CNTNAP5: variants seen among roughly 807,000 people sequenced by gnomAD.
CNTNAP5 encodes the protein contactin associated protein family member 5, also known as contactin-associated protein-like 5.
A neutral mutation model predicts 150.2 loss-of-function variants in CNTNAP5; 72 were observed. That is an observed-to-expected ratio of 0.48 (90% CI 0.40 to 0.58). CNTNAP5 has a LOEUF of 0.58. CNTNAP5 is among the 20% of genes least tolerant of loss of function. CNTNAP5 has a pLI of 0.00. For missense variants in CNTNAP5, 1,636 were observed against 1,626.2 expected (o/e 1.01, Z -0.10); for synonymous variants, 672 against 619.8 (o/e 1.08, Z -1.25).
intron 19 of CNTNAP5, among the ~76,000 whole-genome samples, chr2:124,814,250 T>A (rs1205498633): frequency 2.6e-5 from 4 of 152,208 alleles, no homozygotes; most frequent in East Asian, 3.9e-4. Context: ...CCTCTTTTTT[T>A]TTTTTTCCTG....
chr2:124,607,954 C>T (rs899119591), intron 11 of CNTNAP5, among the ~76,000 whole-genome samples: 7 of 152,160 alleles, frequency 4.6e-5, no homozygotes, highest in East Asian at 1.9e-4. Context: ...CCTCCTGCTG[C>T]GGAAAGTTTG....
chr2:124,395,998 C>T (rs534595538), intron 3 of CNTNAP5, among the ~76,000 whole-genome samples: 94 of 152,268 alleles, frequency 6.2e-4, no homozygotes, highest in African/African-American at 1.9e-3. Context: ...GGAATAGCAC[C>T]AAGACCCTAA....
chr2:124,803,039 C>G (rs570023287), intron 19 of CNTNAP5, among the ~76,000 whole-genome samples: 9 of 150,102 alleles, frequency 6.0e-5, no homozygotes, highest in South Asian at 4.2e-4. Context: ...GATGTGAACC[C>G]GGGAGGTGGA....
At chr2:124,335,449 G>C (rs981090794) in intron 3 of CNTNAP5, among the ~76,000 whole-genome samples, 1 of 151,574 alleles carries the variant, frequency 6.6e-6, no homozygotes, top group Non-Finnish European at 1.5e-5. Flanking sequence ...CACAAAGCCA[G>C]GCTGTCAGGA....
At chr2:124,278,921 T>G (rs1268209711) in intron 3 of CNTNAP5, among the ~76,000 whole-genome samples, 1 of 152,174 alleles carries the variant, frequency 6.6e-6, no homozygotes, top group Non-Finnish European at 1.5e-5. Flanking sequence ...TGTTTATACA[T>G]CAGTTTAGGA....
At chr2:124,653,911 ACCC>A (rs70996088) in intron 13 of CNTNAP5, among the ~76,000 whole-genome samples, 36 of 57,494 alleles carry the variant, frequency 6.3e-4, no homozygotes, top group African/African-American at 2.2e-3. Flanking sequence ...ACTGCCCCCA[ACCC>A]CCCCCCCCCG....
intron 3 of CNTNAP5, among the ~76,000 whole-genome samples, chr2:124,337,553 A>T (rs1385781556): frequency 6.6e-6 from 1 of 152,104 alleles, no homozygotes; most frequent in Admixed American, 6.6e-5. Flanking sequence ...TTTTTGTATA[A>T]GGTGTAAGGA....
chr2:124,588,690 T>A (rs1028609311), intron 11 of CNTNAP5, among the ~76,000 whole-genome samples: 10 of 152,158 alleles, frequency 6.6e-5, no homozygotes, highest in African/African-American at 1.4e-4. Context: ...CAGGGTGACG[T>A]CAATGTAATA....
intron 12 of CNTNAP5, among the ~76,000 whole-genome samples, chr2:124,611,668 T>A (rs1251857911): frequency 6.6e-6 from 1 of 152,208 alleles, no homozygotes; most frequent in Admixed American, 6.5e-5. Context: ...AAATGCACTT[T>A]TACTGAGCTT....
chr2:124,575,183 C>T (rs1696253443), intron 11 of CNTNAP5, among the ~76,000 whole-genome samples: 1 of 152,172 alleles, frequency 6.6e-6, no homozygotes, highest in Non-Finnish European at 1.5e-5. Flanking sequence ...TCAGGTACAA[C>T]AGCCCAGCAG....
At chr2:124,677,672 T>C (rs1306003714) in intron 13 of CNTNAP5, among the ~76,000 whole-genome samples, 2 of 150,436 alleles carry the variant, frequency 1.3e-5, no homozygotes, top group African/African-American at 4.8e-5. Context: ...AGAGTGCTGA[T>C]TGGTGTGTTT....
intron 19 of CNTNAP5, among the ~76,000 whole-genome samples, chr2:124,817,925 C>A (rs569919189): frequency 1.2e-3 from 183 of 152,236 alleles, no homozygotes; most frequent in African/African-American, 4.3e-3. Context: ...GCAAATGGGC[C>A]GGTCTTGTGT....
At chr2:124,563,798 A>G (rs911193365) in intron 11 of CNTNAP5, among the ~76,000 whole-genome samples, 1 of 152,212 alleles carries the variant, frequency 6.6e-6, no homozygotes, top group African/African-American at 2.4e-5. Flanking sequence ...ACAAAATTCT[A>G]TTATCTGGAA....
chr2:124,395,847 A>G (rs1255295589), intron 3 of CNTNAP5, among the ~76,000 whole-genome samples: 1 of 152,160 alleles, frequency 6.6e-6, no homozygotes, highest in Non-Finnish European at 1.5e-5. Flanking sequence ...TCTGGTCCCT[A>G]TTTTAAAGTT....
At chr2:124,549,942 C>T (rs115902370) in intron 10 of CNTNAP5, among the ~76,000 whole-genome samples, 1,709 of 152,316 alleles carry the variant, frequency 0.011, 14 homozygotes, top group African/African-American at 0.026. Flanking sequence ...TGTGGAGCAG[C>T]GGTGCCCTCT....
At chr2:124,789,266 A>G (rs531420294) in intron 17 of CNTNAP5, among the ~76,000 whole-genome samples, 93 of 152,282 alleles carry the variant, frequency 6.1e-4, no homozygotes, top group African/African-American at 2.1e-3. Flanking sequence ...TTTTTTTCAC[A>G]AGAAACATGG....
chr2:124,592,295 T>C, intron 11 of CNTNAP5, among the ~76,000 whole-genome samples: 1 of 152,116 alleles, frequency 6.6e-6, no homozygotes, highest in East Asian at 1.9e-4. Context: ...TAGATATTGC[T>C]AAATTCCACA....
chr2:124,845,576 GA>G (rs1223815673), intron 19 of CNTNAP5, among the ~76,000 whole-genome samples: 3 of 151,420 alleles, frequency 2.0e-5, no homozygotes, highest in African/African-American at 7.3e-5. Flanking sequence ...ATTCTTCTTT[GA>G]ATTAATGATA....
intron 1 of CNTNAP5, among the ~76,000 whole-genome samples, chr2:124,208,866 G>A (rs1685932472): frequency 6.6e-6 from 1 of 152,142 alleles, no homozygotes. Flanking sequence ...AGTTATAATT[G>A]CAAAGCTGTA....
Sources: allele counts gnomAD v4.1 joint callset (sites outside exome capture counted in the v4.1 genomes callset), GRCh38; gene constraint gnomAD v4.1.1; transcripts MANE v1.5; gene names NCBI Gene and HGNC (gene_info 2026-07-23, HGNC 2026-07-21).